CADPS2: variants seen among roughly 807,000 people sequenced by gnomAD.
CADPS2 encodes the protein calcium-dependent secretion activator 2.
A neutral mutation model predicts 172.5 loss-of-function variants in CADPS2; 93 were observed. The observed-to-expected ratio is 0.54, with a 90% CI of 0.46 to 0.64. The LOEUF is 0.64. CADPS2 is among the 30% of genes least tolerant of loss of function. The probability of loss-of-function intolerance (pLI) is 0.00; values close to 1 mark genes in which losing one functional copy is unlikely to be tolerated. For synonymous variants in CADPS2, 546 were observed against 555.2 expected (o/e 0.98, Z 0.23); for missense variants, 1,420 against 1,565.9 (o/e 0.91, Z 1.57).
chr7:122,663,283 A>G lies in CADPS2; in HGVS notation c.740T>C (p.Leu247Pro). 1 of 1,613,904 alleles carries G rather than the reference A, an allele frequency of 6.2e-7. No individual in the cohort carries two copies. Among genetic ancestry groups the G allele is most frequent in the Non-Finnish European group, 8.5e-7 (1 of 1,179,840 alleles). Reference sequence around the variant, plus strand: ...CTGGTGTTCCAGTTTTTTAATACCCAGAATCTGCTGAAACATTTCATAGAG... The same window carrying G: ...CTGGTGTTCCAGTTTTTTAATACCCGGAATCTGCTGAAACATTTCATAGAG... ...EQLYEMFQQI[L>P]GIKKLEHQLL... is the part of the protein sequence containing the mutation. The change falls in exon 3 of 30, where the codon CTG (leucine) becomes CCG (proline). Residue 247 changes from leucine to proline, a missense_variant. Coordinates refer to ENST00000449022, the MANE Select transcript of CADPS2 (RefSeq NM_017954.11).
chr7:122,548,577 T>C (rs144073385), intron 8 of CADPS2, among the ~76,000 whole-genome samples: 22 of 152,310 alleles, frequency 1.4e-4, no homozygotes, highest in Middle Eastern at 3.4e-3. Flanking sequence ...GATCAAATCA[T>C]ACTTATTTAA....
rs920631997 is a variant in CADPS2, at chr7:122,763,101, T to A, written c.340-26033A>T. Reference sequence around the variant, plus strand: ...TGTGTTAACAGGCCTTTGGATGATATGGGAAAATTAATGATTGATACAGAG... The same window carrying A: ...TGTGTTAACAGGCCTTTGGATGATAAGGGAAAATTAATGATTGATACAGAG... On this transcript the variant is annotated intron_variant, in intron 1 of 29. Coordinates refer to ENST00000449022, the MANE Select transcript of CADPS2 (RefSeq NM_017954.11). Among the ~76,000 whole-genome samples the A allele has an allele frequency of 7.2e-5, 11 of 152,050 alleles. No individual in the cohort carries two copies. In the South Asian group the frequency reaches 8.3e-4, roughly 11 times the overall value.
intron 27 of CADPS2, among the ~76,000 whole-genome samples, chr7:122,349,728 C>T (rs2038239759): frequency 6.6e-6 from 1 of 152,094 alleles, no homozygotes; most frequent in African/African-American, 2.4e-5. Context: ...CACTAGTTAA[C>T]CTAGTAAGAT....
At chr7:122,777,750 C>T (rs1261626972) in intron 1 of CADPS2, among the ~76,000 whole-genome samples, 2 of 152,028 alleles carry the variant, frequency 1.3e-5, no homozygotes, top group South Asian at 2.1e-4. Context: ...ATGTTTGTTC[C>T]CCTTCCGCCC....
intron 3 of CADPS2, among the ~76,000 whole-genome samples, chr7:122,641,228 A>G (rs551969029): frequency 6.6e-6 from 1 of 152,308 alleles, no homozygotes; most frequent in Non-Finnish European, 1.5e-5. Flanking sequence ...ACAGATACCT[A>G]ATGTGTATCT....
rs753448893 is a variant in CADPS2 at position 122,698,117 on chromosome 7, T to C, written c.454-34548A>G. On this transcript the variant is annotated intron_variant, in intron 2 of 29. Transcript: ENST00000449022. ...TGTTTACAAGTCAGAATACGAACTA[T>C]GTCATTAGGCTTATAGCGTTCAAAG... 3.1e-5 allele frequency: 50 copies of C among 1,613,862 alleles called. No individual in the cohort carries two copies. The highest frequency in any genetic ancestry group is 2.3e-4 in the Admixed American group (14 of 60,002).
chr7:122,358,415 C>A (rs1017954107), intron 27 of CADPS2, among the ~76,000 whole-genome samples: 3 of 152,010 alleles, frequency 2.0e-5, no homozygotes, highest in Non-Finnish European at 4.4e-5. Context: ...CCATTTGTGG[C>A]TTTTCTTTCT....
chr7:122,687,808 A>G (rs548163944), intron 2 of CADPS2, among the ~76,000 whole-genome samples: 11 of 152,360 alleles, frequency 7.2e-5, no homozygotes, highest in East Asian at 1.9e-4. Context: ...TGAAATTTAC[A>G]TAATAGTAAA....
intron 3 of CADPS2, among the ~76,000 whole-genome samples, chr7:122,650,973 G>A (rs2079092907): frequency 6.6e-6 from 1 of 151,898 alleles, no homozygotes; most frequent in Admixed American, 6.6e-5. Flanking sequence ...TTAAGATCTT[G>A]TTTTTCCCTT....
chr7:122,462,679 G>T (rs1454080086), intron 14 of CADPS2, among the ~76,000 whole-genome samples: 1 of 152,150 alleles, frequency 6.6e-6, no homozygotes, highest in African/African-American at 2.4e-5. Flanking sequence ...ACATGCATCA[G>T]ATAAACACTC....
chr7:122,740,463 C>G (rs2092403556), intron 1 of CADPS2, among the ~76,000 whole-genome samples: 1 of 152,072 alleles, frequency 6.6e-6, no homozygotes, highest in Non-Finnish European at 1.5e-5. Flanking sequence ...AGGCTACATA[C>G]TGTACGACTC....
chr7:122,687,549 T>C lies in CADPS2; in HGVS notation c.454-23980A>G, dbSNP rs543280969. Among the ~76,000 whole-genome samples the C allele has an allele frequency of 7.4e-4, 113 of 152,334 alleles. 2 individuals are homozygous for C. The highest frequency in any genetic ancestry group is 5.6e-4 in the Non-Finnish European group (38 of 68,022). On this transcript the variant is annotated intron_variant, in intron 2 of 29. Transcript: ENST00000449022. ...GTCTCTCTGCGTCTCCATTTCTTCA[T>C]CTCAAGAATGAGGATACCAATAATG...
intron 25 of CADPS2, among the ~76,000 whole-genome samples, chr7:122,369,141 C>T (rs76408887): frequency 1.4e-4 from 10 of 72,776 alleles, no homozygotes; most frequent in African/African-American, 2.7e-4. Context: ...CCCCCCCCCC[C>T]CTTTTTTTTT....
chr7:122,690,558 T>A (rs1160686261), intron 2 of CADPS2, among the ~76,000 whole-genome samples: 1 of 152,164 alleles, frequency 6.6e-6, no homozygotes, highest in Non-Finnish European at 1.5e-5. Context: ...AGGTTTTGTC[T>A]CCCTACTTTT....
intron 2 of CADPS2, among the ~76,000 whole-genome samples, chr7:122,690,752 C>T (rs1030150745): frequency 5.3e-5 from 8 of 152,194 alleles, no homozygotes; most frequent in African/African-American, 1.4e-4. Flanking sequence ...CCAGCTACAG[C>T]TGCAGATTAC....
chr7:122,825,308 T>C (rs1375266360), intron 1 of CADPS2, among the ~76,000 whole-genome samples: 3 of 152,112 alleles, frequency 2.0e-5, no homozygotes, highest in Admixed American at 1.3e-4. Context: ...CCATCAATTG[T>C]AAAAGCAAAT....
intron 2 of CADPS2, among the ~76,000 whole-genome samples, chr7:122,717,804 C>A (rs890154579): frequency 6.6e-6 from 1 of 151,816 alleles, no homozygotes; most frequent in African/African-American, 2.4e-5. Flanking sequence ...AGCAGTATAT[C>A]CCACATTCTT....
chr7:122,671,752 A>T (rs1386420437), intron 2 of CADPS2, among the ~76,000 whole-genome samples: 2 of 152,224 alleles, frequency 1.3e-5, no homozygotes, highest in Non-Finnish European at 2.9e-5. Flanking sequence ...GAGGCAATGG[A>T]AAACACGAAA....
intron 1 of CADPS2, among the ~76,000 whole-genome samples, chr7:122,840,286 G>A (rs1405857294): frequency 6.6e-6 from 1 of 152,076 alleles, no homozygotes; most frequent in East Asian, 1.9e-4. Flanking sequence ...TTGTGGGGTG[G>A]GGGGAGGAGG....
Sources: gnomAD v4.1 joint callset for allele counts (sites outside exome capture counted in the v4.1 genomes callset) on GRCh38, gnomAD v4.1.1 for gene constraint, MANE v1.5 for transcripts, NCBI Gene and HGNC (gene_info 2026-07-23, HGNC 2026-07-21) for gene names.